The following OLAH variants were observed in gnomAD, a reference collection of about 807,000 sequenced individuals.
OLAH encodes the protein S-acyl fatty acid synthase thioesterase, medium chain.
OLAH carries 33 observed loss-of-function variants against 27.8 expected under a neutral mutation model. That is an observed-to-expected ratio of 1.19 (90% CI 0.90 to 1.59). The LOEUF is 1.59. Among genes scored for constraint, OLAH ranks in the 40% most tolerant of loss-of-function variants. The pLI, the probability that OLAH is intolerant of heterozygous loss-of-function variation, is 0.00. For missense variants in OLAH, 359 were observed against 310.8 expected, an observed-to-expected ratio of 1.16 and a Z score of -1.17; for synonymous variants, 120 against 102.9, an observed-to-expected ratio of 1.17 and a Z score of -1.01.
intron 3 of OLAH, among the ~76,000 whole-genome samples, chr10:15,055,912 C>T (rs970315447): frequency 3.3e-5 from 5 of 151,160 alleles, no homozygotes; most frequent in African/African-American, 4.9e-5. Flanking sequence ...TGCAGTGGCA[C>T]AATCTCTGCT....
At chr10:15,032,982 C>T (rs1020846765) in intron 1 of OLAH, among the ~76,000 whole-genome samples, 1 of 152,108 alleles carries the variant, frequency 6.6e-6, no homozygotes, top group African/African-American at 2.4e-5. Flanking sequence ...AAATGATTCT[C>T]ATGCCTCAGC....
At chr10:15,046,539 C>T (rs772238496) in intron 1 of OLAH, among the ~76,000 whole-genome samples, 6 of 151,926 alleles carry the variant, frequency 3.9e-5, no homozygotes, top group Non-Finnish European at 7.4e-5. Flanking sequence ...GCGATCTCAG[C>T]TCACTGCAGA....
intron 1 of OLAH, among the ~76,000 whole-genome samples, chr10:15,045,805 T>G (rs905446126): frequency 3.3e-5 from 5 of 152,130 alleles, no homozygotes; most frequent in Non-Finnish European, 7.4e-5. Flanking sequence ...AAATGACAGA[T>G]CTGTACTTGA....
chr10:15,061,927 T>G, intron 4 of OLAH, 65 bp downstream of exon 4: 1 of 1,502,428 alleles, frequency 6.7e-7, no homozygotes. Context: ...GAGGTTAATG[T>G]TATTCTTTGT....
chr10:15,073,477 C>G lies in OLAH; in HGVS notation c.*248C>G, dbSNP rs558312045. ...AGATCGAGACCGTCCTGGCTAACAC[C>G]GTGAAACCCCATCTCTACTAAAAAT... On this transcript the variant is annotated 3_prime_UTR_variant, in exon 8 of 8. Transcript: ENST00000378228. The G allele has an allele frequency of 2.4e-4, 73 of 301,896 alleles. No homozygotes were observed. Among genetic ancestry groups the G allele is most frequent in the Admixed American group, 7.1e-4 (14 of 19,626 alleles). The allele number at this position is 301,896 out of a possible 1,614,324, so 18.7% of individuals were successfully genotyped here.
chr10:15,046,817 C>T (rs1844027314), intron 1 of OLAH, among the ~76,000 whole-genome samples: 1 of 152,210 alleles, frequency 6.6e-6, no homozygotes, highest in Non-Finnish European at 1.5e-5. Flanking sequence ...ATCCCTCACC[C>T]TTACCCTAAT....
intron 3 of OLAH, among the ~76,000 whole-genome samples, chr10:15,059,961 G>A (rs1844330898): frequency 6.6e-6 from 1 of 152,078 alleles, no homozygotes; most frequent in African/African-American, 2.4e-5. Context: ...TTCTGTTTGA[G>A]TTTCCTTGAA....
intron 1 of OLAH, among the ~76,000 whole-genome samples, chr10:15,037,036 G>GCA (rs1843851218): frequency 6.6e-6 from 1 of 151,740 alleles, no homozygotes; most frequent in Non-Finnish European, 1.5e-5. Flanking sequence ...CCAAGATCGT[G>GCA]CCACAGCACT....
At chr10:15,046,279 G>C (rs1393559313) in intron 1 of OLAH, among the ~76,000 whole-genome samples, 1 of 148,114 alleles carries the variant, frequency 6.8e-6, no homozygotes, top group Non-Finnish European at 1.5e-5. Flanking sequence ...TTGAGCCACT[G>C]CACTCCAGCC....
intron 6 of OLAH, among the ~76,000 whole-genome samples, chr10:15,070,762 T>C (rs1844568114): frequency 6.8e-6 from 1 of 147,598 alleles, no homozygotes; most frequent in Non-Finnish European, 1.5e-5. Flanking sequence ...ATTACAGGCG[T>C]AAGCCACCAC....
chr10:15,052,994 G>T (rs1844176950), intron 3 of OLAH, among the ~76,000 whole-genome samples: 1 of 152,078 alleles, frequency 6.6e-6, no homozygotes, highest in African/African-American at 2.4e-5. Context: ...ACCTGCCTCG[G>T]CCTCCTAAAG....
Position 15,065,663 on chromosome 10 carries a change from G to T in OLAH, c.482G>T (p.Gly161Val), listed in dbSNP as rs752000549. 9 of 1,614,026 alleles carry T rather than the reference G, an allele frequency of 5.6e-6. 1 individual carries two copies. The South Asian group carries it at 8.8e-5, about 16-fold the overall frequency. Reference protein sequence around the residue: ...QISHYLMEFGGTPKHFAEAKE... With the variant: ...QISHYLMEFGVTPKHFAEAKE... ...AGTCATTACCTTATGGAATTTGGAG[G>T]CACCCCCAAGCATTTTGCTGAAGCC... is the stretch of plus-strand genomic sequence containing the variant. Residue 161 changes from glycine (G) to valine (V), a missense_variant, in exon 6 of 8, where the codon GGC becomes GTC. Gly to Val is a moderately radical substitution (Grantham distance 109). Coordinates refer to ENST00000378228, the MANE Select transcript of OLAH (RefSeq NM_001039702.3).
At chr10:15,071,685 G>T in intron 6 of OLAH, 110 bp from the exon 7 acceptor site, 2 of 1,458,000 alleles carry the variant, frequency 1.4e-6, no homozygotes. Flanking sequence ...TGCTAGAGTA[G>T]CCAAAGAAAA....
In OLAH at chr10:15,054,069, C is replaced by T. The variant is rs1844199112; in HGVS notation, c.163+4304C>T. Among the ~76,000 whole-genome samples the T allele has an allele frequency of 8.6e-5, 12 of 140,152 alleles. No homozygotes were observed. The South Asian group carries it at 2.7e-3, about 32-fold the overall frequency. The allele number at this position is 140,152 out of a possible 152,430, so 91.9% of individuals were successfully genotyped here. On this transcript the variant is annotated intron_variant, in intron 3 of 7. Transcript: ENST00000378228. The stretch of plus-strand genomic sequence containing the variant: ...TTTTTTTTTTTTTGAGATGGAGTCT[C>T]GCTCTGTCACCCAGGCTGAAGTTCA...
At chr10:15,067,030 T>C (rs1844482471) in intron 6 of OLAH, among the ~76,000 whole-genome samples, 1 of 152,242 alleles carries the variant, frequency 6.6e-6, no homozygotes, top group African/African-American at 2.4e-5. Flanking sequence ...CCTGTGCACA[T>C]CATTTTAAAA....
At chr10:15,038,266 C>CA (rs2131328080) in intron 1 of OLAH, among the ~76,000 whole-genome samples, 1 of 152,290 alleles carries the variant, frequency 6.6e-6, no homozygotes, top group East Asian at 1.9e-4. Flanking sequence ...GGAAGGGACT[C>CA]ACCTTGTCTC....
chr10:15,046,465 ATTTAT>A lies in OLAH; in HGVS notation c.-163-651_-163-647del, dbSNP rs1251373756. Among the ~76,000 whole-genome samples, 10 of 151,564 alleles carry A rather than the reference ATTTAT, an allele frequency of 6.6e-5. No homozygotes were observed. The South Asian group carries it at 1.7e-3, about 25-fold the overall frequency. ...TTTTTTAGAATCCCTCTTTCTTGAGATTTATTTTATTTTACTTTTTGAGATGGAGT... is the reference window on the plus strand; with the variant it reads ...TTTTTTAGAATCCCTCTTTCTTGAGATTTATTTTACTTTTTGAGATGGAGT... On this transcript the variant is annotated intron_variant, in intron 1 of 7. Transcript: ENST00000378228.
intron 4 of OLAH, among the ~76,000 whole-genome samples, chr10:15,064,029 T>C (rs1317370284): frequency 6.6e-6 from 1 of 152,198 alleles, no homozygotes; most frequent in Non-Finnish European, 1.5e-5. Flanking sequence ...GAAAATAGCT[T>C]TGACCTCATG....
chr10:15,056,916 C>T (rs1564530688), intron 3 of OLAH: 1 of 1,529,930 alleles, frequency 6.5e-7, no homozygotes, highest in Admixed American at 2.1e-5. Flanking sequence ...TGGCGTGAGC[C>T]ACCGTAGGCG....
Sources: gnomAD v4.1 joint callset for allele counts (sites outside exome capture counted in the v4.1 genomes callset) on GRCh38, gnomAD v4.1.1 for gene constraint, MANE v1.5 for transcripts, NCBI Gene and HGNC (gene_info 2026-07-23, HGNC 2026-07-21) for gene names.